PTPRD: variants seen among roughly 807,000 people sequenced by gnomAD.
The protein encoded by PTPRD is protein tyrosine phosphatase receptor type D, also known as receptor-type tyrosine-protein phosphatase delta.
PTPRD carries 34 observed loss-of-function variants against 214.5 expected under a neutral mutation model. The observed-to-expected ratio is 0.16, with a 90% CI of 0.12 to 0.21. The LOEUF (loss-of-function observed/expected upper bound fraction) is 0.21, where lower values mean the gene tolerates loss of function less well. PTPRD is among the 10% of genes least tolerant of loss of function. The pLI is 1.00. For synonymous variants in PTPRD, 1,128 were observed against 845.7 expected (o/e 1.33, Z -5.79); for missense variants, 2,545 against 2,398.7 (o/e 1.06, Z -1.27).
chr9:8,440,930 C>T (rs1009470219), intron 34 of PTPRD, among the ~76,000 whole-genome samples: 2 of 152,178 alleles, frequency 1.3e-5, no homozygotes, highest in East Asian at 1.9e-4. Context: ...GACTTCTCTA[C>T]ATAAGCCCAG....
At chr9:9,190,188 C>T (rs905300692) in intron 9 of PTPRD, among the ~76,000 whole-genome samples, 3 of 151,962 alleles carry the variant, frequency 2.0e-5, no homozygotes, top group East Asian at 3.9e-4. Context: ...TAGATTAATG[C>T]TTTAATTGTG....
In PTPRD at chr9:10,242,301, C is replaced by T. The variant is rs139860007; in HGVS notation, c.-545+98662G>A. ...TTCTTTGTTTTATTTCTTTAAGCTCCCATATAAATTTCATCTGAGCAAATA... is the reference window on the plus strand; with the variant it reads ...TTCTTTGTTTTATTTCTTTAAGCTCTCATATAAATTTCATCTGAGCAAATA... On this transcript the variant is annotated intron_variant, in intron 3 of 45. Coordinates refer to ENST00000381196, the MANE Select transcript of PTPRD (RefSeq NM_002839.4). Among the ~76,000 whole-genome samples the T allele has an allele frequency of 3.3e-3, 498 of 151,942 alleles. 7 individuals are homozygous for T. Among genetic ancestry groups the T allele is most frequent in the East Asian group, 0.031 (162 of 5,152 alleles).
chr9:9,726,744 A>G (rs1212537095), intron 7 of PTPRD, among the ~76,000 whole-genome samples: 2 of 152,170 alleles, frequency 1.3e-5, no homozygotes, highest in African/African-American at 2.4e-5. Flanking sequence ...TTTCTTTGAC[A>G]TTAGAGTTTG....
chr9:9,408,555 G>T (rs1380135606), intron 8 of PTPRD, among the ~76,000 whole-genome samples: 4 of 151,782 alleles, frequency 2.6e-5, no homozygotes, highest in African/African-American at 9.7e-5. Flanking sequence ...GAAAGCAAAA[G>T]AATAATTTTC....
chr9:9,199,508 G>C (rs1270452817), intron 9 of PTPRD, among the ~76,000 whole-genome samples: 1 of 151,670 alleles, frequency 6.6e-6, no homozygotes, highest in African/African-American at 2.4e-5. Context: ...GCTAATGAGA[G>C]GAATGAAAAT....
At chr9:9,880,099 G>A (rs1303005109) in intron 5 of PTPRD, among the ~76,000 whole-genome samples, 4 of 152,104 alleles carry the variant, frequency 2.6e-5, no homozygotes, top group Admixed American at 2.0e-4. Context: ...GATCATGGGG[G>A]CAGTTCCCTG....
chr9:9,347,799 C>T (rs2049440272), intron 9 of PTPRD, among the ~76,000 whole-genome samples: 2 of 152,106 alleles, frequency 1.3e-5, no homozygotes, highest in African/African-American at 4.8e-5. Flanking sequence ...TTGAAATTCA[C>T]TCAATAGTGC....
At chr9:10,401,995 C>T (rs1315854585) in intron 2 of PTPRD, among the ~76,000 whole-genome samples, 1 of 151,040 alleles carries the variant, frequency 6.6e-6, no homozygotes, top group Non-Finnish European at 1.5e-5. Flanking sequence ...ATAAAACACC[C>T]TATAAGAAAT....
At chr9:10,347,661 C>G (rs2097110226) in intron 2 of PTPRD, among the ~76,000 whole-genome samples, 1 of 152,020 alleles carries the variant, frequency 6.6e-6, no homozygotes, top group African/African-American at 2.4e-5. Flanking sequence ...CCACCCACCT[C>G]AGCCTCCCAA....
At position 9,726,962 on chromosome 9, in the gene PTPRD, T is replaced by A. The variant is rs373889321; in HGVS notation, c.-287+7571A>T. Among the ~76,000 whole-genome samples, 254 of 152,236 alleles carry A rather than the reference T, an allele frequency of 1.7e-3. 1 individual carries two copies. Among genetic ancestry groups the A allele is most frequent in the African/African-American group, 5.7e-3 (236 of 41,558 alleles). On this transcript the variant is annotated intron_variant, in intron 7 of 45. Coordinates refer to ENST00000381196, the MANE Select transcript of PTPRD (RefSeq NM_002839.4). ...AGTATGTACAATAACAAACAGAGAA[T>A]AATAAGCAGAGAGCTTTTGAAATTA...
intron 7 of PTPRD, among the ~76,000 whole-genome samples, chr9:9,715,194 G>A (rs915704776): frequency 6.6e-6 from 1 of 152,118 alleles, no homozygotes; most frequent in African/African-American, 2.4e-5. Flanking sequence ...TTCTTCCACT[G>A]GTATGCGTAC....
At chr9:9,438,356 A>G (rs532348081) in intron 8 of PTPRD, among the ~76,000 whole-genome samples, 1 of 152,324 alleles carries the variant, frequency 6.6e-6, no homozygotes, top group Admixed American at 6.5e-5. Context: ...CACAACCATG[A>G]AGCTATGTTC....
chr9:9,482,487 T>C (rs1220420998), intron 8 of PTPRD, among the ~76,000 whole-genome samples: 1 of 152,200 alleles, frequency 6.6e-6, no homozygotes, highest in Non-Finnish European at 1.5e-5. Flanking sequence ...TGAAGAATTG[T>C]TCTTTTCTTT....
At position 8,439,348 on chromosome 9, in the gene PTPRD, C is replaced by G. The variant is rs185168083; in HGVS notation, c.3989-2659G>C. On this transcript the variant is annotated intron_variant, in intron 34 of 45. Transcript: ENST00000381196. ...TCAAGAGCCATTCTCTTCTTCATAACTTTCATTCTTCCCACATATAGACAG... is the reference window on the plus strand; with the variant it reads ...TCAAGAGCCATTCTCTTCTTCATAAGTTTCATTCTTCCCACATATAGACAG... 2.2e-4 allele frequency among the ~76,000 whole-genome samples: 34 copies of G among 152,322 alleles called. 1 individual carries two copies. The East Asian group carries it at 6.4e-3, about 28-fold the overall frequency.
chr9:8,426,021 G>A (rs1029162145), intron 35 of PTPRD, among the ~76,000 whole-genome samples: 2 of 152,076 alleles, frequency 1.3e-5, no homozygotes, highest in Non-Finnish European at 2.9e-5. Context: ...CTTTCATAGA[G>A]CTCCTTTTTG....
intron 3 of PTPRD, among the ~76,000 whole-genome samples, chr9:10,263,306 G>C (rs1052659322): frequency 1.3e-5 from 2 of 152,156 alleles, no homozygotes; most frequent in African/African-American, 2.4e-5. Context: ...AAGAAGACAG[G>C]AGTATGTGGG....
At chr9:9,976,236 C>T (rs989760888) in intron 4 of PTPRD, among the ~76,000 whole-genome samples, 3 of 152,046 alleles carry the variant, frequency 2.0e-5, no homozygotes, top group Non-Finnish European at 4.4e-5. Context: ...AAAGGTCCCC[C>T]TCCCAGTTTA....
intron 11 of PTPRD, among the ~76,000 whole-genome samples, chr9:8,964,469 G>A (rs371676920): frequency 1.3e-5 from 1 of 78,498 alleles, no homozygotes; most frequent in African/African-American, 3.5e-5. Context: ...AATCTAGTTA[G>A]TAGCCTATTG....
chr9:10,330,966 T>A (rs548519492), intron 3 of PTPRD, among the ~76,000 whole-genome samples: 2 of 151,938 alleles, frequency 1.3e-5, no homozygotes, highest in African/African-American at 2.4e-5. Flanking sequence ...AGTTTATCTT[T>A]ATGGGTCCCA....
Sources: allele counts gnomAD v4.1 joint callset (sites outside exome capture counted in the v4.1 genomes callset), GRCh38; gene constraint gnomAD v4.1.1; transcripts MANE v1.5; gene names NCBI Gene and HGNC (gene_info 2026-07-23, HGNC 2026-07-21).